Variants in EHMT1 observed in about 807,000 individuals in gnomAD.
EHMT1 encodes the protein histone-lysine N-methyltransferase EHMT1.
Under a neutral mutation model 147.2 loss-of-function variants are expected in EHMT1, and 15 were observed. The ratio of observed to expected loss-of-function variants is 0.10; its 90% CI spans 0.07 to 0.16. The LOEUF (loss-of-function observed/expected upper bound fraction) is 0.16, where lower values mean the gene tolerates loss of function less well. EHMT1 is among the 10% of genes least tolerant of loss of function. The pLI, the probability that EHMT1 is intolerant of heterozygous loss-of-function variation, is 1.00. For missense variants in EHMT1, 1,587 were observed against 1,772.4 expected (o/e 0.90, Z 1.88); for synonymous variants, 795 against 709.6 (o/e 1.12, Z -1.91).
In EHMT1 at chr9:137,739,595, A is replaced by G. The variant is rs191073923; in HGVS notation, c.824-3776A>G. ...TTTTCCACACTTGGGTAGAAGCTGC[A>G]GGTCCCTGCTGGGTTCATTGTCCAC... On this transcript the variant is annotated intron_variant, in intron 4 of 26. Coordinates refer to ENST00000460843, the MANE Select transcript of EHMT1 (RefSeq NM_024757.5). 1.9e-3 allele frequency among the ~76,000 whole-genome samples: 296 copies of G among 152,270 alleles called. 2 individuals carry two copies. Among genetic ancestry groups the G allele is most frequent in the African/African-American group, 6.5e-3 (270 of 41,548 alleles).
At chr9:137,738,208 C>CAA (rs147418149) in intron 4 of EHMT1, among the ~76,000 whole-genome samples, 1 of 139,586 alleles carries the variant, frequency 7.2e-6, no homozygotes, top group South Asian at 2.2e-4. Flanking sequence ...AAAACAACAA[C>CAA]AAAAAAAAAA....
Position 137,782,597 on chromosome 9 carries a change from C to A in EHMT1, c.2382+200C>A, listed in dbSNP as rs1208525116. Among the ~76,000 whole-genome samples, 1 of 152,138 alleles carries A rather than the reference C, an allele frequency of 6.6e-6. No homozygotes were observed. The highest frequency in any genetic ancestry group is 1.5e-5 in the Non-Finnish European group (1 of 68,032). ...CTGTTTCTTCCGGCATTTACCACGG[C>A]CTTTGAGAAGAGCATGCCGCCATTT... On this transcript the variant is annotated intron_variant, in intron 15 of 26. Transcript: ENST00000460843. This position sits in a 1 kb window ranked among gnomAD's most constrained non-coding sequence, Gnocchi z 5.7.
intron 9 of EHMT1, among the ~76,000 whole-genome samples, chr9:137,759,926 G>A (rs1156853261): frequency 6.6e-6 from 1 of 152,222 alleles, no homozygotes; most frequent in Non-Finnish European, 1.5e-5. Context: ...GCCGCTGGTT[G>A]TGGGTCAGGG....
intron 1 of EHMT1, among the ~76,000 whole-genome samples, chr9:137,649,348 T>TA (rs1845137392): frequency 6.6e-6 from 1 of 152,196 alleles, no homozygotes; most frequent in African/African-American, 2.4e-5. Flanking sequence ...TAATCCCAGA[T>TA]ACTGCGGAGG....
intron 25 of EHMT1, among the ~76,000 whole-genome samples, chr9:137,831,841 C>T (rs770387117): frequency 2.6e-5 from 4 of 152,230 alleles, no homozygotes; most frequent in Non-Finnish European, 4.4e-5. Flanking sequence ...TTCCCTAGTG[C>T]GATTGGCTGG....
At chr9:137,658,341 G>A (rs1407157678) in intron 1 of EHMT1, among the ~76,000 whole-genome samples, 1 of 152,064 alleles carries the variant, frequency 6.6e-6, no homozygotes, top group African/African-American at 2.4e-5. Flanking sequence ...AGTAGAGACG[G>A]GGTTTCACCA....
chr9:137,706,644 G>A (rs1228742461), intron 1 of EHMT1, among the ~76,000 whole-genome samples: 2 of 148,922 alleles, frequency 1.3e-5, no homozygotes, highest in Admixed American at 6.7e-5. Flanking sequence ...CTGCCACCAC[G>A]CCCAACTAAT....
At chr9:137,720,528 C>T (rs1564636473) in intron 3 of EHMT1, among the ~76,000 whole-genome samples, 1 of 152,238 alleles carries the variant, frequency 6.6e-6, no homozygotes, top group Non-Finnish European at 1.5e-5. Flanking sequence ...GTCTTGAATT[C>T]CTGAGCTCAA....
chr9:137,683,746 T>G (rs1942180819), intron 1 of EHMT1, among the ~76,000 whole-genome samples: 1 of 152,220 alleles, frequency 6.6e-6, no homozygotes, highest in Non-Finnish European at 1.5e-5. Context: ...AGTAATTGGC[T>G]TATGCATAGT....
chr9:137,752,498 T>C (rs755473562), intron 7 of EHMT1, 90 bp downstream of exon 7: 10 of 1,474,138 alleles, frequency 6.8e-6, no homozygotes, highest in Admixed American at 1.9e-5. Context: ...CAACAACCCT[T>C]GTTGCCTGAG....
At chr9:137,743,240 G>A (rs1398540877) in intron 4 of EHMT1, 131 bp from the exon 5 acceptor site, 1 of 1,131,846 alleles carries the variant, frequency 8.8e-7, no homozygotes, top group South Asian at 1.5e-5. Context: ...CGGGCAGTGG[G>A]CCTGTTGTGA....
Position 137,787,777 on chromosome 9 carries a change from G to A in EHMT1, c.2383-3071G>A, listed in dbSNP as rs779713950. On this transcript the variant is annotated intron_variant, in intron 15 of 26. Transcript: ENST00000460843. This position sits in a 1 kb window ranked among gnomAD's most constrained non-coding sequence, Gnocchi z 4.2. ...TGGGTGACACACCCTGGAAGAGGGC[G>A]TCTAGATCCCAGCCCTGGGGGCCCT... 57 of 832,054 alleles carry A rather than the reference G, an allele frequency of 6.9e-5. No homozygotes were observed. The highest frequency in any genetic ancestry group is 1.6e-4 in the South Asian group (12 of 75,110). 51.5% of individuals were successfully genotyped at this position (832,054 alleles called of 1,614,324 possible).
At chr9:137,834,281 C>T (rs370876278) in intron 25 of EHMT1, 68 bp from the exon 26 acceptor site, 13 of 1,590,396 alleles carry the variant, frequency 8.2e-6, no homozygotes, top group Middle Eastern at 1.7e-4. Context: ...CATGCATGGC[C>T]GTACCCGGCG....
intron 1 of EHMT1, among the ~76,000 whole-genome samples, chr9:137,635,442 T>G (rs989310522): frequency 6.6e-5 from 10 of 150,948 alleles, no homozygotes; most frequent in Non-Finnish European, 1.3e-4. Context: ...GTCTTGAACT[T>G]CTGACCTCGT....
intron 25 of EHMT1, among the ~76,000 whole-genome samples, chr9:137,833,322 A>G (rs1804449919): frequency 6.6e-6 from 1 of 152,154 alleles, no homozygotes; most frequent in Non-Finnish European, 1.5e-5. Flanking sequence ...GTCGCTGGGT[A>G]ACAAACCACG....
chr9:137,717,276 A>G (rs1276705116), intron 3 of EHMT1, 94 bp downstream of exon 3: 4 of 1,489,576 alleles, frequency 2.7e-6, no homozygotes, highest in Non-Finnish European at 3.6e-6. Flanking sequence ...AGAAGCCAGT[A>G]AGTGTCAGTG....
At chr9:137,806,441 C>T (rs949257342) in intron 18 of EHMT1, among the ~76,000 whole-genome samples, 1 of 145,364 alleles carries the variant, frequency 6.9e-6, no homozygotes, top group Non-Finnish European at 1.5e-5. Flanking sequence ...GCTCTTGCAG[C>T]TTTTTTTTTT....
At chr9:137,800,782 G>A in intron 17 of EHMT1, 98 bp from the exon 18 acceptor site, 3 of 1,017,818 alleles carry the variant, frequency 2.9e-6, no homozygotes, top group South Asian at 1.3e-5. Flanking sequence ...GAGGGGCATG[G>A]TACCTGGGAG....
intron 19 of EHMT1, among the ~76,000 whole-genome samples, chr9:137,812,209 G>A (rs1414367540): frequency 6.6e-6 from 1 of 152,152 alleles, no homozygotes. Context: ...ATGGTGGCAT[G>A]TGCCTGTAAC....
Sources: allele counts gnomAD v4.1 joint callset (sites outside exome capture counted in the v4.1 genomes callset), GRCh38; gene constraint gnomAD v4.1.1; non-coding constraint Gnocchi (gnomAD v3.1); transcripts MANE v1.5; gene names NCBI Gene and HGNC (gene_info 2026-07-23, HGNC 2026-07-21).